Variants in CLYBL observed in about 807,000 individuals in gnomAD.
The protein encoded by CLYBL is citramalyl-CoA lyase, also known as citramalyl-CoA lyase, mitochondrial.
A neutral mutation model predicts 38.9 loss-of-function variants in CLYBL; 31 were observed. That is an observed-to-expected ratio of 0.80 (90% CI 0.60 to 1.08). The LOEUF (loss-of-function observed/expected upper bound fraction) is 1.08, where lower values mean the gene tolerates loss of function less well. CLYBL is among the 50% of genes least tolerant of loss of function. The pLI, the probability that CLYBL is intolerant of heterozygous loss-of-function variation, is 0.00. For synonymous variants in CLYBL, 171 were observed against 158.6 expected (o/e 1.08, Z -0.59); for missense variants, 434 against 411.6 (o/e 1.05, Z -0.47).
intron 1 of CLYBL, among the ~76,000 whole-genome samples, chr13:99,741,707 C>G (rs1015379393): frequency 6.6e-6 from 1 of 152,184 alleles, no homozygotes; most frequent in African/African-American, 2.4e-5. Flanking sequence ...GAACTCCTGA[C>G]CTCAGGTGAT....
intron 1 of CLYBL, among the ~76,000 whole-genome samples, chr13:99,748,357 G>A (rs1284272750): frequency 6.6e-6 from 1 of 150,990 alleles, no homozygotes; most frequent in Non-Finnish European, 1.5e-5. Flanking sequence ...TGCAGCCTGG[G>A]TGACAGAGCA....
chr13:99,659,308 T>G (rs1303210844), intron 1 of CLYBL, among the ~76,000 whole-genome samples: 1 of 152,136 alleles, frequency 6.6e-6, no homozygotes, highest in Non-Finnish European at 1.5e-5. Flanking sequence ...AATCAGTGAT[T>G]GCCCTAACTT....
At chr13:99,889,073 T>C (rs896549005) in intron 7 of CLYBL, among the ~76,000 whole-genome samples, 6 of 152,174 alleles carry the variant, frequency 3.9e-5, no homozygotes, top group African/African-American at 1.4e-4. Context: ...CCTGCGACCA[T>C]AGAAGAAATA....
At chr13:99,752,606 C>G (rs930436498) in intron 1 of CLYBL, among the ~76,000 whole-genome samples, 1 of 152,034 alleles carries the variant, frequency 6.6e-6, no homozygotes, top group Non-Finnish European at 1.5e-5. Context: ...TCTACCCTGC[C>G]CCCTCCTGCT....
intron 1 of CLYBL, among the ~76,000 whole-genome samples, chr13:99,748,442 T>G (rs1426562268): frequency 4.0e-4 from 51 of 128,862 alleles, no homozygotes; most frequent in East Asian, 1.7e-3. Flanking sequence ...TTTTTTTTTT[T>G]TTTTTTTTTT....
At chr13:99,637,454 C>A (rs1035621531) in intron 1 of CLYBL, among the ~76,000 whole-genome samples, 4 of 152,280 alleles carry the variant, frequency 2.6e-5, no homozygotes, top group African/African-American at 9.6e-5. Context: ...AAAAAGTTGC[C>A]ACAGAATGTA....
Position 99,866,427 on chromosome 13 carries a change from A to C in CLYBL, c.802+20A>C. 1.2e-6 allele frequency: 2 copies of C among 1,600,944 alleles called. No homozygotes were observed. The highest frequency in any genetic ancestry group is 1.1e-5 in the South Asian group (1 of 88,608). On this transcript the variant is annotated intron_variant, in intron 6 of 8. Coordinates refer to ENST00000339105, the MANE Select transcript of CLYBL (RefSeq NM_206808.5). ...TCACTGGTATGATTCCTGTCTTAGA[A>C]AGCAGTGTCTAAATTAGCAAGCATT...
chr13:99,796,588 G>A (rs1331778209), intron 2 of CLYBL, among the ~76,000 whole-genome samples: 1 of 152,218 alleles, frequency 6.6e-6, no homozygotes, highest in Non-Finnish European at 1.5e-5. Flanking sequence ...AATACAGAGA[G>A]GTTAACAAAC....
chr13:99,650,590 A>G (rs963636737), intron 1 of CLYBL, among the ~76,000 whole-genome samples: 2 of 152,146 alleles, frequency 1.3e-5, no homozygotes, highest in African/African-American at 4.8e-5. Flanking sequence ...CTAGAGAGTA[A>G]GGTCAGCACA....
intron 2 of CLYBL, among the ~76,000 whole-genome samples, chr13:99,841,233 T>C (rs557934708): frequency 2.1e-3 from 320 of 152,218 alleles, no homozygotes; most frequent in African/African-American, 7.3e-3. Flanking sequence ...CGGAGGAAAG[T>C]AGACTCTAGA....
At chr13:99,824,248 T>C (rs1038307852) in intron 2 of CLYBL, among the ~76,000 whole-genome samples, 7 of 137,550 alleles carry the variant, frequency 5.1e-5, no homozygotes, top group African/African-American at 1.6e-4. Flanking sequence ...GAAAGCCTTC[T>C]GACTAATAGC....
At position 99,869,137 on chromosome 13, in the gene CLYBL, C is replaced by T. The variant is rs753936754; in HGVS notation, c.803-1801C>T. 6.6e-6 allele frequency among the ~76,000 whole-genome samples: 1 copy of T among 152,116 alleles called. No homozygotes were observed. ...GACAAAAGAGAACTTCACATATGAA[C>T]GTTCACACATTTCTAAAACCTAACA... On this transcript the variant is annotated intron_variant, in intron 6 of 8. Transcript: ENST00000339105. The surrounding 1 kb of genome is among the most constrained non-coding windows in gnomAD (Gnocchi z 4.3).
chr13:99,613,674 AAGG>A (rs1400866220), intron 1 of CLYBL, among the ~76,000 whole-genome samples: 3 of 149,638 alleles, frequency 2.0e-5, no homozygotes, highest in African/African-American at 7.3e-5. Context: ...CCTCACTGAA[AAGG>A]AGGCAGGGTA....
chr13:99,761,266 T>C (rs2049159768), intron 1 of CLYBL, among the ~76,000 whole-genome samples: 2 of 152,176 alleles, frequency 1.3e-5, no homozygotes, highest in Non-Finnish European at 2.9e-5. Flanking sequence ...GGCAGGAGAA[T>C]GGCGTGAACC....
At chr13:99,671,790 A>AT (rs200783176) in intron 1 of CLYBL, among the ~76,000 whole-genome samples, 2 of 125,580 alleles carry the variant, frequency 1.6e-5, no homozygotes, top group Admixed American at 8.3e-5. Flanking sequence ...AAAAAAAAAA[A>AT]AAAAATAATA....
intron 1 of CLYBL, among the ~76,000 whole-genome samples, chr13:99,737,116 G>A (rs1237391898): frequency 6.8e-6 from 1 of 146,048 alleles, no homozygotes; most frequent in African/African-American, 2.4e-5. Context: ...GTTAAGTTCT[G>A]AAGAATATGG....
intron 1 of CLYBL, among the ~76,000 whole-genome samples, chr13:99,725,549 G>T (rs2048458593): frequency 6.6e-6 from 1 of 152,086 alleles, no homozygotes; most frequent in Non-Finnish European, 1.5e-5. Flanking sequence ...AGAGATGAAG[G>T]GACATTCTAG....
At chr13:99,843,039 G>C (rs751277454) in intron 2 of CLYBL, among the ~76,000 whole-genome samples, 1 of 152,096 alleles carries the variant, frequency 6.6e-6, no homozygotes, top group Non-Finnish European at 1.5e-5. Context: ...TCTTTCACAT[G>C]AGGAAACTGA....
chr13:99,896,587 C>A (rs981902632), downstream of CLYBL: 5 of 152,284 alleles, frequency 3.3e-5, no homozygotes, highest in Non-Finnish European at 7.3e-5. Flanking sequence ...GGCCTCACAC[C>A]GCCTGGCCGC....
Sources: gnomAD v4.1 joint callset for allele counts (sites outside exome capture counted in the v4.1 genomes callset) on GRCh38, gnomAD v4.1.1 for gene constraint, Gnocchi (gnomAD v3.1) non-coding constraint, MANE v1.5 for transcripts, NCBI Gene and HGNC (gene_info 2026-07-23, HGNC 2026-07-21) for gene names.